The following C22orf31 variants were observed in gnomAD, a reference collection of about 807,000 sequenced individuals.
The protein encoded by C22orf31 is chromosome 22 open reading frame 31, also known as uncharacterized protein C22orf31.
A neutral mutation model predicts 15.0 loss-of-function variants in C22orf31; 11 were observed. The ratio of observed to expected loss-of-function variants is 0.73; its 90% CI spans 0.46 to 1.21. The LOEUF is 1.21. C22orf31 is among the 50% of genes most tolerant of loss of function. The probability of loss-of-function intolerance (pLI) is 0.00; values close to 1 mark genes in which losing one functional copy is unlikely to be tolerated. For missense variants in C22orf31, 340 were observed against 347.2 expected (o/e 0.98, Z 0.17); for synonymous variants, 132 against 133.3 (o/e 0.99, Z 0.07).
At chr22:29,073,505 C>T in the C22orf31 span, among the ~76,000 whole-genome samples, 1 of 152,034 alleles carries the variant, frequency 6.6e-6, no homozygotes, top group South Asian at 2.1e-4. This position sits in a 1 kb window ranked among gnomAD's most constrained non-coding sequence, Gnocchi z 4.4. Flanking sequence ...CCCTCTCCGC[C>T]TTGAGTCTTC....
chr22:29,060,923 A>G (rs535160487), intron 1 of C22orf31, 80 bp from the exon 2 acceptor site: 1 of 1,161,632 alleles, frequency 8.6e-7, no homozygotes, highest in African/African-American at 1.5e-5. Context: ...TTGAAGGCAA[A>G]ATATTAACAT....
Position 29,060,420 on chromosome 22 carries a change from T to C in C22orf31, c.427A>G (p.Arg143Gly). Reference sequence around the variant, plus strand: ...CACCACTGGTCCTCGTCTACCTCTCTGATGCCTCCTGCAGGCCTCCTATGC... The same window carrying C: ...CACCACTGGTCCTCGTCTACCTCTCCGATGCCTCCTGCAGGCCTCCTATGC... ...AGHRRPAGGI[R>G]ESKESSKEKK... Residue 143 changes from arginine (R) to glycine (G), a missense_variant, in exon 2 of 3, where the codon AGA (arginine) becomes GGA (glycine). Physicochemically the swap from Arg to Gly is moderately radical, Grantham distance 125 (BLOSUM62 -2). Transcript: ENST00000216071. 1 of 1,611,064 alleles carries C rather than the reference T, an allele frequency of 6.2e-7. No individual in the cohort carries two copies. Among genetic ancestry groups the C allele is most frequent in the Non-Finnish European group, 8.5e-7 (1 of 1,179,012 alleles).
chr22:29,064,675 A>AT (rs563569423), upstream of C22orf31, among the ~76,000 whole-genome samples: 3 of 51,290 alleles, frequency 5.8e-5, no homozygotes, highest in Non-Finnish European at 1.1e-4. Context: ...TTGCCCAGTG[A>AT]TTTTTTTTTT....
At chr22:29,072,853 G>A in the C22orf31 span, among the ~76,000 whole-genome samples, 1 of 152,110 alleles carries the variant, frequency 6.6e-6, no homozygotes, top group Non-Finnish European at 1.5e-5. Context: ...GGCGAGAGAT[G>A]GGCGGGGCCT....
At chr22:29,059,669 A>G (rs1050821896) in intron 2 of C22orf31, 35 of 984,256 alleles carry the variant, frequency 3.6e-5, no homozygotes, top group Non-Finnish European at 3.9e-5. Context: ...GCTGGCCACC[A>G]CGGGGTAACA....
Position 29,059,055 on chromosome 22 carries a change from A to G in C22orf31, c.560T>C (p.Val187Ala). 6.2e-7 allele frequency: 1 copy of G among 1,614,034 alleles called. No individual in the cohort carries two copies. The highest frequency in any genetic ancestry group is 8.5e-7 in the Non-Finnish European group (1 of 1,179,990). The stretch of plus-strand genomic sequence containing the variant: ...TCTCTTTTGGGTTTCAGGAAGCAAC[A>G]CTCGGCCCTTCCAGGCTGCTGTCCC... ...DSGTAAWKGRVLLPETQKRQQ... is the reference protein window; with the variant it reads ...DSGTAAWKGRALLPETQKRQQ... Residue 187 changes from valine to alanine, a missense_variant, in exon 3 of 3, where the codon GTG (valine) becomes GCG (alanine). Val to Ala is a moderately conservative substitution (Grantham distance 64). Transcript: ENST00000216071.
intron 2 of C22orf31, chr22:29,060,151 C>A: frequency 4.2e-6 from 1 of 239,070 alleles, no homozygotes; most frequent in Non-Finnish European, 6.7e-6. Context: ...CCCTCCTTAG[C>A]CTCCCAAGTA....
At chr22:29,072,135 G>GT in the C22orf31 span, among the ~76,000 whole-genome samples, 155 of 150,914 alleles carry the variant, frequency 1.0e-3, no homozygotes, top group East Asian at 0.012. Flanking sequence ...TTTCGTTTTG[G>GT]TTTTTTTTTG....
At chr22:29,061,178 C>T (rs1303633153) in intron 1 of C22orf31, among the ~76,000 whole-genome samples, 2 of 152,132 alleles carry the variant, frequency 1.3e-5, no homozygotes, top group Admixed American at 1.3e-4. Context: ...CTCAAGACTT[C>T]CATATGAGCT....
At chr22:29,068,084 C>CTTT in the C22orf31 span, among the ~76,000 whole-genome samples, 20,350 of 130,058 alleles carry the variant, frequency 0.16, 2,403 homozygotes, top group East Asian at 0.46. Context: ...CAAACCCCGT[C>CTTT]TTTTTTTTTT....
intron 2 of C22orf31, 54 bp from the exon 3 acceptor site, chr22:29,059,236 G>T: frequency 7.6e-7 from 1 of 1,308,012 alleles, no homozygotes; most frequent in Non-Finnish European, 1.1e-6. Context: ...GGGGAGCTCA[G>T]AATAATTATC....
upstream of C22orf31, among the ~76,000 whole-genome samples, chr22:29,065,384 G>A (rs991948920): frequency 2.0e-5 from 3 of 151,568 alleles, no homozygotes; most frequent in Non-Finnish European, 4.4e-5. Context: ...GATGAGCTTG[G>A]GCAACAAAGC....
At chr22:29,071,893 T>A in the C22orf31 span, among the ~76,000 whole-genome samples, 1,633 of 152,302 alleles carry the variant, frequency 0.011, 27 homozygotes, top group South Asian at 0.079. Context: ...TTTCTGGACG[T>A]TGCGTTGGGC....
At chr22:29,061,100 G>A (rs1025414393) in intron 1 of C22orf31, among the ~76,000 whole-genome samples, 2 of 152,090 alleles carry the variant, frequency 1.3e-5, no homozygotes, top group African/African-American at 4.8e-5. Context: ...GAAGTCGGGG[G>A]TCAGGGAGGG....
intron 1 of C22orf31, among the ~76,000 whole-genome samples, chr22:29,061,108 G>A (rs577579456): frequency 1.3e-5 from 2 of 152,192 alleles, no homozygotes; most frequent in South Asian, 4.2e-4. Flanking sequence ...GGGTCAGGGA[G>A]GGTTCACAAG....
At chr22:29,071,651 C>T in the C22orf31 span, among the ~76,000 whole-genome samples, 2 of 152,170 alleles carry the variant, frequency 1.3e-5, no homozygotes, top group Admixed American at 6.5e-5. Flanking sequence ...CGGGCGTCAC[C>T]GCTGCGCTTT....
the C22orf31 span, among the ~76,000 whole-genome samples, chr22:29,069,943 C>CTTTTT: frequency 3.1e-5 from 3 of 96,530 alleles, no homozygotes; most frequent in Non-Finnish European, 6.0e-5. Flanking sequence ...TCTTGAAATT[C>CTTTTT]TTTTTTTTTT....
At chr22:29,062,919 T>G (rs759285139), upstream of C22orf31, among the ~76,000 whole-genome samples, 1 of 152,076 alleles carries the variant, frequency 6.6e-6, no homozygotes, top group African/African-American at 2.4e-5. Context: ...GTCTGGAGAC[T>G]GGGCAGGCAA....
chr22:29,059,739 A>G (rs746655385), intron 2 of C22orf31: 26 of 985,270 alleles, frequency 2.6e-5, no homozygotes, highest in Non-Finnish European at 3.0e-5. Flanking sequence ...CTCACAATCC[A>G]GATCCATAGC....
Sources: gnomAD v4.1 joint callset for allele counts (sites outside exome capture counted in the v4.1 genomes callset) on GRCh38, gnomAD v4.1.1 for gene constraint, Gnocchi (gnomAD v3.1) non-coding constraint, MANE v1.5 for transcripts, NCBI Gene and HGNC (gene_info 2026-07-23, HGNC 2026-07-21) for gene names.